Variants in TMEM242 observed in about 807,000 individuals in gnomAD.
TMEM242 encodes the protein UPF0463 transmembrane protein C6orf35.
In TMEM242, 10 loss-of-function variants were observed where a neutral mutation model predicts 18.2. The ratio of observed to expected loss-of-function variants is 0.55; its 90% CI spans 0.34 to 0.93. The LOEUF (loss-of-function observed/expected upper bound fraction) is 0.93, where lower values mean the gene tolerates loss of function less well. TMEM242 is among the 40% of genes least tolerant of loss of function. The pLI, the probability that TMEM242 is intolerant of heterozygous loss-of-function variation, is 0.02. For synonymous variants in TMEM242, 57 were observed against 69.9 expected (o/e 0.81, Z 0.92); for missense variants, 186 against 175.5 (o/e 1.06, Z -0.34).
At chr6:157,310,951 T>A (rs1554248519) in intron 3 of TMEM242, among the ~76,000 whole-genome samples, 22 of 151,908 alleles carry the variant, frequency 1.4e-4, no homozygotes, top group Admixed American at 2.6e-4. Flanking sequence ...TGCCCCAGTG[T>A]GCACTCACCT....
chr6:157,313,516 T>C, intron 3 of TMEM242, among the ~76,000 whole-genome samples: 1 of 150,526 alleles, frequency 6.6e-6, no homozygotes, highest in African/African-American at 2.5e-5. Flanking sequence ...AGTACCCCAG[T>C]GTGCAGTCAT....
At chr6:157,317,426 T>C (rs888608148) in intron 3 of TMEM242, among the ~76,000 whole-genome samples, 1 of 152,110 alleles carries the variant, frequency 6.6e-6, no homozygotes, top group South Asian at 2.1e-4. Flanking sequence ...GCCAAGGAGA[T>C]TTCCCTCTTC....
chr6:157,311,009 T>A (rs1554248565), intron 3 of TMEM242, among the ~76,000 whole-genome samples: 41 of 74,032 alleles, frequency 5.5e-4, no homozygotes, highest in African/African-American at 7.4e-4. Context: ...CTCCCCAGTG[T>A]GCAGTCACCT....
chr6:157,322,897 T>C (rs1241806939), intron 1 of TMEM242, 92 bp from the exon 2 acceptor site: 22 of 1,050,374 alleles, frequency 2.1e-5, no homozygotes, highest in Admixed American at 4.5e-5. Flanking sequence ...TAAGATACTA[T>C]TCGAGTTACA....
At chr6:157,311,222 CTAG>C (rs1554248665) in intron 3 of TMEM242, among the ~76,000 whole-genome samples, 2 of 107,634 alleles carry the variant, frequency 1.9e-5, no homozygotes, top group Non-Finnish European at 4.2e-5. Flanking sequence ...GTGCGCTCAC[CTAG>C]CCTCATCATA....
intron 3 of TMEM242, among the ~76,000 whole-genome samples, chr6:157,309,896 A>G (rs587704011): frequency 2.0e-5 from 3 of 151,924 alleles, no homozygotes; most frequent in Non-Finnish European, 2.9e-5. Flanking sequence ...AATTCCTACT[A>G]TACTAGGCAT....
chr6:157,314,185 T>C (rs886065110), intron 3 of TMEM242, among the ~76,000 whole-genome samples: 10 of 152,242 alleles, frequency 6.6e-5, no homozygotes, highest in African/African-American at 2.2e-4. Context: ...CTCATCATAG[T>C]GTCCCAGTGT....
intron 3 of TMEM242, among the ~76,000 whole-genome samples, chr6:157,304,462 CAAAAAAAAAA>C (rs782782714): frequency 1.8e-4 from 12 of 67,234 alleles, no homozygotes; most frequent in Non-Finnish European, 2.5e-4. Context: ...GAGACTCTGT[CAAAAAAAAAA>C]AAAAAAAAAA....
rs75227908 is a variant in TMEM242 at position 157,313,081 on chromosome 6, C to T, written c.327+5701G>A. Among the ~76,000 whole-genome samples, 550 of 62,126 alleles carry T rather than the reference C, an allele frequency of 8.9e-3. 1 individual carries two copies. Among genetic ancestry groups the T allele is most frequent in the Admixed American group, 9.9e-3 (59 of 5,932 alleles). 40.8% of individuals were successfully genotyped at this position (62,126 alleles called of 152,430 possible). A position where few individuals can be genotyped will look rare whatever the true frequency, so the allele number is the denominator to read the frequency against. On this transcript the variant is annotated intron_variant, in intron 3 of 3. Coordinates refer to ENST00000400788, the MANE Select transcript of TMEM242 (RefSeq NM_018452.6). ...CCTCATCATAGGGTCCCAGTATGCA[C>T]TCACCTGGCCTCATCAAAGTGTCCC...
At chr6:157,302,795 C>T (rs1199754948) in intron 3 of TMEM242, among the ~76,000 whole-genome samples, 1 of 152,174 alleles carries the variant, frequency 6.6e-6, no homozygotes, top group Admixed American at 6.5e-5. Context: ...ATTCAAAACG[C>T]AGTACAGTAT....
intron 3 of TMEM242, chr6:157,300,204 T>G: frequency 2.2e-6 from 1 of 452,146 alleles, no homozygotes; most frequent in Non-Finnish European, 4.1e-6. Context: ...AGAGAGCCAT[T>G]AGCAGCACCT....
chr6:157,297,469 A>C (rs1554247236), intron 3 of TMEM242, among the ~76,000 whole-genome samples: 6 of 152,224 alleles, frequency 3.9e-5, no homozygotes, highest in Non-Finnish European at 1.5e-5. Context: ...ACAAGCTCTC[A>C]AATTCCGCAG....
At chr6:157,310,451 T>A (rs1464622252) in intron 3 of TMEM242, among the ~76,000 whole-genome samples, 5 of 4,776 alleles carry the variant, frequency 1.0e-3, no homozygotes, top group South Asian at 6.8e-3. Flanking sequence ...TGCACTCACC[T>A]AGCCTCATCA....
chr6:157,314,371 C>CA (rs1778344669), intron 3 of TMEM242, among the ~76,000 whole-genome samples: 4 of 67,600 alleles, frequency 5.9e-5, no homozygotes, highest in Non-Finnish European at 9.9e-5. Flanking sequence ...AGCATGCATT[C>CA]CCATGATCAT....
intron 3 of TMEM242, among the ~76,000 whole-genome samples, chr6:157,314,860 A>T (rs1778360219): frequency 6.6e-6 from 1 of 152,264 alleles, no homozygotes; most frequent in Non-Finnish European, 1.5e-5. Flanking sequence ...CTTTTAGGCC[A>T]GCAGATGTAG....
At chr6:157,314,360 C>CAGTG (rs1778343663) in intron 3 of TMEM242, among the ~76,000 whole-genome samples, 2 of 145,892 alleles carry the variant, frequency 1.4e-5, no homozygotes, top group South Asian at 2.1e-4. Context: ...CATAGTGTCC[C>CAGTG]AGCATGCATT....
rs782225679 is a variant in TMEM242, at chr6:157,318,966, G to A, written c.190-47C>T. 7.2e-6 allele frequency: 11 copies of A among 1,534,522 alleles called. 1 individual carries two copies. The highest frequency in any genetic ancestry group is 3.5e-4 in the Middle Eastern group (2 of 5,738). On this transcript the variant is annotated intron_variant, in intron 2 of 3. Coordinates refer to ENST00000400788, the MANE Select transcript of TMEM242 (RefSeq NM_018452.6). ...GAGGTAAAAACAATCAGTGCAGAAA[G>A]AATAAGCATTCTGGGGGTGTTTGCA...
chr6:157,320,708 T>C (rs936310761), intron 2 of TMEM242, among the ~76,000 whole-genome samples: 3 of 152,206 alleles, frequency 2.0e-5, no homozygotes, highest in Non-Finnish European at 2.9e-5. Context: ...TGGCCTAAAG[T>C]GATCCGCCTC....
Position 157,315,793 on chromosome 6 carries a change from G to A in TMEM242, c.327+2989C>T, listed in dbSNP as rs188384779. 2.2e-4 allele frequency among the ~76,000 whole-genome samples: 33 copies of A among 152,264 alleles called. No individual in the cohort carries two copies. The East Asian group carries it at 5.4e-3, about 25-fold the overall frequency. On this transcript the variant is annotated intron_variant, in intron 3 of 3. Transcript: ENST00000400788. The stretch of plus-strand genomic sequence containing the variant: ...TACCCATCTTCAGTGCTGGGCAAAC[G>A]TATCTGCTTTGTTTGGTAACAAGAT...
Sources: gnomAD v4.1 joint callset for allele counts (sites outside exome capture counted in the v4.1 genomes callset) on GRCh38, gnomAD v4.1.1 for gene constraint, MANE v1.5 for transcripts, NCBI Gene and HGNC (gene_info 2026-07-23, HGNC 2026-07-21) for gene names.